FRAS1: variants seen among roughly 807,000 people sequenced by gnomAD.
FRAS1 encodes Fraser extracellular matrix complex subunit 1, also known as extracellular matrix organizing protein FRAS1.
A neutral mutation model predicts 435.2 loss-of-function variants in FRAS1; 290 were observed. The ratio of observed to expected loss-of-function variants is 0.67; its 90% CI spans 0.61 to 0.73. The LOEUF (loss-of-function observed/expected upper bound fraction) is 0.73. FRAS1 is among the 30% of genes least tolerant of loss of function. The pLI is 0.00. For synonymous variants in FRAS1, 1,800 were observed against 1,851.0 expected (o/e 0.97, Z 0.71); for missense variants, 4,860 against 5,001.5 (o/e 0.97, Z 0.85).
chr4:78,322,116 A>C (rs1729534780), intron 18 of FRAS1, among the ~76,000 whole-genome samples: 1 of 152,204 alleles, frequency 6.6e-6, no homozygotes, highest in South Asian at 2.1e-4. Flanking sequence ...CCATTGGGAA[A>C]CCGAGCACAA....
intron 14 of FRAS1, among the ~76,000 whole-genome samples, chr4:78,295,765 G>A (rs1407440177): frequency 7.0e-6 from 1 of 143,618 alleles, no homozygotes. Context: ...TTTTTTTTTA[G>A]ATGGAGTCTC....
At chr4:78,062,319 G>A (rs956723002) in intron 1 of FRAS1, among the ~76,000 whole-genome samples, 2 of 152,144 alleles carry the variant, frequency 1.3e-5, no homozygotes, top group Non-Finnish European at 2.9e-5. Context: ...CAATAATCAG[G>A]ACATGAGCTG....
chr4:78,426,323 A>T (rs1032524085), intron 35 of FRAS1, among the ~76,000 whole-genome samples: 12 of 152,130 alleles, frequency 7.9e-5, no homozygotes, highest in Non-Finnish European at 1.6e-4. Flanking sequence ...CTTGTCTAGG[A>T]CTTTAAGTTA....
At chr4:78,539,534 A>G (rs1362604670) in intron 73 of FRAS1, 94 bp downstream of exon 73, 30 of 1,120,306 alleles carry the variant, frequency 2.7e-5, no homozygotes, top group Non-Finnish European at 3.5e-5. Context: ...ACATCTCTGG[A>G]TTCTTCAACA....
intron 60 of FRAS1, among the ~76,000 whole-genome samples, chr4:78,499,308 A>G (rs1720606638): frequency 6.6e-6 from 1 of 152,228 alleles, no homozygotes. Flanking sequence ...TTTGAAATTC[A>G]TATCTCATGA....
chr4:78,451,741 A>T, intron 45 of FRAS1, 31 bp from the exon 46 acceptor site: 2 of 1,554,774 alleles, frequency 1.3e-6, no homozygotes, highest in Non-Finnish European at 1.7e-6. Flanking sequence ...AAGCACTAAT[A>T]GCAAATCTTG....
rs1426382309 is a variant in FRAS1 at position 78,467,257 on chromosome 4, TCTC to T, written c.7257+826_7257+828del. 2.0e-5 allele frequency among the ~76,000 whole-genome samples: 3 copies of T among 152,292 alleles called. No homozygotes were observed. The East Asian group carries it at 5.8e-4, about 29-fold the overall frequency. On this transcript the variant is annotated intron_variant, in intron 50 of 73. Transcript: ENST00000512123. ...CTTCCCAGCCTCTGGTAACCATTCTTCTCCTCTCTCTCTCCATGGGTTCAGTTG... is the reference window on the plus strand; with the variant it reads ...CTTCCCAGCCTCTGGTAACCATTCTTCTCTCTCTCTCCATGGGTTCAGTTG...
At chr4:78,477,740 C>G (rs1400594985) in intron 54 of FRAS1, 75 bp from the exon 55 acceptor site, 1 of 1,534,990 alleles carries the variant, frequency 6.5e-7, no homozygotes, top group South Asian at 1.3e-5. Context: ...ATGCTCTTTT[C>G]CTATGATGCC....
At chr4:78,455,459 C>A (rs1719163722) in intron 47 of FRAS1, among the ~76,000 whole-genome samples, 1 of 151,870 alleles carries the variant, frequency 6.6e-6, no homozygotes, top group Non-Finnish European at 1.5e-5. Context: ...AGCAGAGCAA[C>A]TTCTAGGCCA....
intron 2 of FRAS1, among the ~76,000 whole-genome samples, chr4:78,067,702 A>ATTG (rs1740113281): frequency 1.5e-5 from 2 of 132,930 alleles, no homozygotes. Flanking sequence ...TATTATTATT[A>ATTG]TTATTATTAT....
intron 62 of FRAS1, among the ~76,000 whole-genome samples, chr4:78,507,858 C>G (rs1720893017): frequency 6.6e-6 from 1 of 152,090 alleles, no homozygotes; most frequent in Admixed American, 6.5e-5. Flanking sequence ...CTAAACATCC[C>G]ATAATGCACA....
At chr4:78,143,260 G>GT (rs761981038) in intron 2 of FRAS1, among the ~76,000 whole-genome samples, 35 of 152,076 alleles carry the variant, frequency 2.3e-4, no homozygotes, top group Non-Finnish European at 3.7e-4. Context: ...TCATAATAAT[G>GT]TAAGAGTCAA....
At chr4:78,526,498 T>A (rs1443817141) in intron 69 of FRAS1, 43 bp from the exon 70 acceptor site, 1 of 1,317,758 alleles carries the variant, frequency 7.6e-7, no homozygotes, top group Admixed American at 2.1e-5. Flanking sequence ...CAGCAACCTA[T>A]CAGTTGTTCC....
rs1179318826 is a variant in FRAS1 at position 78,253,009 on chromosome 4, A to T, written c.469+458A>T. On this transcript the variant is annotated intron_variant, in intron 5 of 73. Coordinates refer to ENST00000512123, the MANE Select transcript of FRAS1 (RefSeq NM_025074.7). ...AAAATTTACCGGGCTGGAATTTCCCAATCCTAGTAAGCCTGAGGGTACTGC... is the reference window on the plus strand; with the variant it reads ...AAAATTTACCGGGCTGGAATTTCCCTATCCTAGTAAGCCTGAGGGTACTGC... Among the ~76,000 whole-genome samples, 4 of 152,298 alleles carry T rather than the reference A, an allele frequency of 2.6e-5. No homozygotes were observed. In the South Asian group the frequency reaches 8.3e-4, roughly 32 times the overall value.
chr4:78,489,042 G>A lies in FRAS1; in HGVS notation c.8920G>A (p.Ala2974Thr). Reference protein sequence around the residue: ...VMEDFEERQNADSSRITFLKG... With the variant: ...VMEDFEERQNTDSSRITFLKG... The stretch of plus-strand genomic sequence containing the variant: ...GGAGGACTTTGAGGAGAGACAAAAT[G>A]CAGACTCTTCACGGATTACATTTCT... Residue 2974 changes from alanine to threonine, a missense_variant, in exon 59 of 74, where the codon GCA becomes ACA. By Grantham distance (58) the Ala-to-Thr change is moderately conservative (BLOSUM62 0). Transcript: ENST00000512123. 6.2e-7 allele frequency: 1 copy of A among 1,613,510 alleles called. No homozygotes were observed. The highest frequency in any genetic ancestry group is 8.5e-7 in the Non-Finnish European group (1 of 1,179,680).
chr4:78,439,214 C>A, intron 40 of FRAS1, 150 bp downstream of exon 40: 2 of 656,532 alleles, frequency 3.0e-6, no homozygotes, highest in Non-Finnish European at 5.2e-6. Flanking sequence ...GGTTTTCAAT[C>A]ATGAGTGTTT....
intron 70 of FRAS1, among the ~76,000 whole-genome samples, chr4:78,527,083 G>A (rs1452207015): frequency 1.3e-5 from 2 of 152,044 alleles, no homozygotes; most frequent in Non-Finnish European, 2.9e-5. Context: ...ATTAAATAAG[G>A]GGTCTTTACA....
At chr4:78,154,684 C>T (rs1032755819) in intron 2 of FRAS1, among the ~76,000 whole-genome samples, 2 of 152,006 alleles carry the variant, frequency 1.3e-5, no homozygotes, top group Admixed American at 6.6e-5. Flanking sequence ...ATTTTTAAAA[C>T]CCACAAAACT....
chr4:78,188,279 GTCTATCTA>G (rs998341866), intron 2 of FRAS1, among the ~76,000 whole-genome samples: 4 of 25,584 alleles, frequency 1.6e-4, no homozygotes, highest in Non-Finnish European at 2.9e-4. Flanking sequence ...CTATCTGTCT[GTCTATCTA>G]TCTATCTATC....
Sources: allele counts gnomAD v4.1 joint callset (sites outside exome capture counted in the v4.1 genomes callset), GRCh38; gene constraint gnomAD v4.1.1; transcripts MANE v1.5; gene names NCBI Gene and HGNC (gene_info 2026-07-23, HGNC 2026-07-21).